The following NALF1 variants were observed in gnomAD, a reference collection of about 807,000 sequenced individuals.
The protein encoded by NALF1 is NALCN channel auxiliary factor 1, also known as family with sequence similarity 155 member A.
Under a neutral mutation model 48.4 loss-of-function variants are expected in NALF1, and 3 were observed. The observed-to-expected ratio is 0.06, with a 90% CI of 0.03 to 0.16. The LOEUF (loss-of-function observed/expected upper bound fraction) is 0.16, where lower values mean the gene tolerates loss of function less well. Ranked by LOEUF, NALF1 falls within the 10% of genes least tolerant of loss-of-function variation. NALF1 has a pLI of 1.00. For synonymous variants in NALF1, 262 were observed against 245.7 expected, an observed-to-expected ratio of 1.07 and a Z score of -0.62; for missense variants, 526 against 571.5, an observed-to-expected ratio of 0.92 and a Z score of 0.81.
chr13:107,685,803 G>C (rs538976796), intron 1 of NALF1, among the ~76,000 whole-genome samples: 1 of 152,218 alleles, frequency 6.6e-6, no homozygotes, highest in Non-Finnish European at 1.5e-5. Context: ...AAATGCAAAT[G>C]ATTAAATTCC....
intron 1 of NALF1, among the ~76,000 whole-genome samples, chr13:107,417,860 A>C (rs1884117724): frequency 6.6e-6 from 1 of 152,204 alleles, no homozygotes; most frequent in African/African-American, 2.4e-5. Flanking sequence ...CAGAAGTTCA[A>C]GAACAGCCTG....
At chr13:107,501,498 A>G (rs181693139) in intron 1 of NALF1, among the ~76,000 whole-genome samples, 1 of 152,322 alleles carries the variant, frequency 6.6e-6, no homozygotes, top group East Asian at 1.9e-4. Context: ...GACTCAATAA[A>G]CAGAAGTTTT....
At chr13:107,859,365 G>A (rs983343690) in intron 1 of NALF1, among the ~76,000 whole-genome samples, 5 of 152,070 alleles carry the variant, frequency 3.3e-5, no homozygotes, top group African/African-American at 4.8e-5. Context: ...TCTATCTTTT[G>A]CAGGATCTTT....
chr13:107,659,114 G>GACACACACACACACAC lies in NALF1; in HGVS notation c.915+206552_915+206567dup, dbSNP rs71121541. 6.1e-3 allele frequency among the ~76,000 whole-genome samples: 894 copies of GACACACACACACACAC among 145,876 alleles called. 9 individuals carry two copies. Among genetic ancestry groups the GACACACACACACACAC allele is most frequent in the African/African-American group, 0.018 (728 of 39,684 alleles). Reference sequence around the variant, plus strand: ...GCCAGCACTGACACACTGACACACAGACACACACACACACACACACACACA... The same window carrying GACACACACACACACAC: ...GCCAGCACTGACACACTGACACACAGACACACACACACACACACACACACACACACACACACACACA... On this transcript the variant is annotated intron_variant, in intron 1 of 2. Coordinates refer to ENST00000375915, the MANE Select transcript of NALF1 (RefSeq NM_001080396.3).
rs1878735546 is a variant in NALF1, at chr13:107,169,164, AGCATGT to A, written c.*1327_*1332del. 6.6e-6 allele frequency: 1 copy of A among 152,546 alleles called. No individual in the cohort carries two copies. The highest frequency in any genetic ancestry group is 1.5e-5 in the Non-Finnish European group (1 of 68,040). The allele number at this position is 152,546 out of a possible 1,614,324, so 9.4% of individuals were successfully genotyped here. ...AGACCTCTTTTCCTCAACTACCTAG[AGCATGT>A]TAGAGTGATAAAGTTTTTGCACGTT... On this transcript the variant is annotated 3_prime_UTR_variant, in exon 3 of 3. Coordinates refer to ENST00000375915, the MANE Select transcript of NALF1 (RefSeq NM_001080396.3).
intron 1 of NALF1, among the ~76,000 whole-genome samples, chr13:107,820,334 A>AT (rs1452811799): frequency 6.6e-6 from 1 of 152,200 alleles, no homozygotes; most frequent in African/African-American, 2.4e-5. Flanking sequence ...TGCTAACCAT[A>AT]TATTTTCACG....
intron 1 of NALF1, among the ~76,000 whole-genome samples, chr13:107,794,268 T>C (rs1878340370): frequency 6.6e-6 from 1 of 152,144 alleles, no homozygotes; most frequent in Non-Finnish European, 1.5e-5. Context: ...CCTGGTTACG[T>C]CTCTAACTTG....
intron 1 of NALF1, among the ~76,000 whole-genome samples, chr13:107,633,124 C>T (rs1234982958): frequency 6.6e-6 from 1 of 151,996 alleles, no homozygotes; most frequent in Non-Finnish European, 1.5e-5. Flanking sequence ...GAAAGAATGT[C>T]TGAAGAGCGT....
At chr13:107,256,946 A>G (rs972113424) in intron 1 of NALF1, among the ~76,000 whole-genome samples, 2 of 152,218 alleles carry the variant, frequency 1.3e-5, no homozygotes, top group East Asian at 3.9e-4. Context: ...ACACTGTTAT[A>G]AAGAACTTCC....
chr13:107,783,198 C>A, intron 1 of NALF1, among the ~76,000 whole-genome samples: 1 of 105,304 alleles, frequency 9.5e-6, no homozygotes, highest in Non-Finnish European at 2.0e-5. Flanking sequence ...GGTGGGGGGT[C>A]AGTCCCCCGC....
chr13:107,414,474 T>C (rs979628587), intron 1 of NALF1, among the ~76,000 whole-genome samples: 2 of 150,706 alleles, frequency 1.3e-5, no homozygotes, highest in African/African-American at 4.8e-5. Context: ...CAAATTACCA[T>C]ATATACATAG....
At chr13:107,769,688 A>AT (rs1169010580) in intron 1 of NALF1, among the ~76,000 whole-genome samples, 1 of 34,676 alleles carries the variant, frequency 2.9e-5, no homozygotes, top group East Asian at 2.4e-3. Flanking sequence ...CTTAAAGTAT[A>AT]ATAAAAAAAA....
intron 1 of NALF1, among the ~76,000 whole-genome samples, chr13:107,559,856 G>C (rs999029702): frequency 6.6e-6 from 1 of 152,050 alleles, no homozygotes; most frequent in African/African-American, 2.4e-5. Context: ...TTTTATCCTA[G>C]GAAAAAGATA....
rs182363068 is a variant in NALF1 at position 107,633,568 on chromosome 13, G to A, written c.915+232114C>T. Among the ~76,000 whole-genome samples the A allele has an allele frequency of 5.0e-4, 76 of 151,660 alleles. 1 individual carries two copies. Among genetic ancestry groups the A allele is most frequent in the African/African-American group, 1.7e-3 (70 of 41,366 alleles). On this transcript the variant is annotated intron_variant, in intron 1 of 2. Coordinates refer to ENST00000375915, the MANE Select transcript of NALF1 (RefSeq NM_001080396.3). ...CTCCTACTCTGGTCTTTGTGATATCGTACATCCTGGTCCTCATAAATACCA... is the reference window on the plus strand; with the variant it reads ...CTCCTACTCTGGTCTTTGTGATATCATACATCCTGGTCCTCATAAATACCA...
intron 1 of NALF1, among the ~76,000 whole-genome samples, chr13:107,273,017 A>T (rs1881207409): frequency 6.6e-6 from 1 of 152,220 alleles, no homozygotes; most frequent in African/African-American, 2.4e-5. Flanking sequence ...TTGGCATTTG[A>T]GAAAACAGCA....
chr13:107,673,443 G>A (rs1261671945), intron 1 of NALF1, among the ~76,000 whole-genome samples: 1 of 152,148 alleles, frequency 6.6e-6, no homozygotes, highest in East Asian at 1.9e-4. Flanking sequence ...TGCTCAACTT[G>A]ACGATATGGT....
intron 1 of NALF1, among the ~76,000 whole-genome samples, chr13:107,642,942 T>C (rs41436849): frequency 0.048 from 7,368 of 152,262 alleles, 631 homozygotes; most frequent in African/African-American, 0.17. Context: ...TTGGAGTTTC[T>C]GCCTTGCCCT....
At chr13:107,578,064 G>A (rs1332908091) in intron 1 of NALF1, among the ~76,000 whole-genome samples, 1 of 152,068 alleles carries the variant, frequency 6.6e-6, no homozygotes, top group African/African-American at 2.4e-5. Context: ...ATTGATTGGT[G>A]CTATCTCCTC....
intron 1 of NALF1, among the ~76,000 whole-genome samples, chr13:107,441,903 T>TAAAACC (rs1884566042): frequency 1.3e-5 from 2 of 152,296 alleles, no homozygotes; most frequent in African/African-American, 4.8e-5. Flanking sequence ...TTCAACTGAA[T>TAAAACC]AAAACCACAT....
Sources: gnomAD v4.1 joint callset for allele counts (sites outside exome capture counted in the v4.1 genomes callset) on GRCh38, gnomAD v4.1.1 for gene constraint, MANE v1.5 for transcripts, NCBI Gene and HGNC (gene_info 2026-07-23, HGNC 2026-07-21) for gene names.